KAZN: variants seen among roughly 807,000 people sequenced by gnomAD.
KAZN encodes the protein kazrin.
A neutral mutation model predicts 87.4 loss-of-function variants in KAZN; 40 were observed. The observed-to-expected ratio is 0.46, with a 90% CI of 0.36 to 0.60. KAZN has a LOEUF of 0.60. Ranked by LOEUF, KAZN falls within the 20% of genes least tolerant of loss-of-function variation. The pLI, the probability that KAZN is intolerant of heterozygous loss-of-function variation, is 0.00. For synonymous variants in KAZN, 466 were observed against 458.3 expected (o/e 1.02, Z -0.22); for missense variants, 898 against 1,073.9 (o/e 0.84, Z 2.29).
intron 2 of KAZN, among the ~76,000 whole-genome samples, chr1:14,291,765 A>G (rs1653711522): frequency 6.6e-6 from 1 of 152,230 alleles, no homozygotes. Context: ...TGTCTTCTGC[A>G]TAAATCACAC....
At chr1:13,950,837 C>G (rs1641318279) in intron 1 of KAZN, among the ~76,000 whole-genome samples, 1 of 152,182 alleles carries the variant, frequency 6.6e-6, no homozygotes. Context: ...TTCCCACTGG[C>G]TGCCTCTTGG....
rs545769212 is a variant in KAZN at position 14,036,110 on chromosome 1, A to C, written c.91+142354A>C. On this transcript the variant is annotated intron_variant, in intron 1 of 16. Transcript: ENST00000636203. ...GGCAGGAGCATCCCTGGCAGGGGGAACAGCACATGCAAAAGAGAGGAGGCA... is the reference window on the plus strand; with the variant it reads ...GGCAGGAGCATCCCTGGCAGGGGGACCAGCACATGCAAAAGAGAGGAGGCA... Among the ~76,000 whole-genome samples, 51 of 152,324 alleles carry C rather than the reference A, an allele frequency of 3.3e-4. No individual in the cohort carries two copies. In the South Asian group the frequency reaches 0.01, roughly 31 times the overall value.
rs529118083 is a variant in KAZN, at chr1:14,110,616, A to C, written c.92-69819A>C. Among the ~76,000 whole-genome samples, 3 of 137,000 alleles carry C rather than the reference A, an allele frequency of 2.2e-5. 1 individual carries two copies. The highest frequency in any genetic ancestry group is 8.4e-5 in the African/African-American group (3 of 35,722). The allele number at this position is 137,000 out of a possible 152,430, so 89.9% of individuals were successfully genotyped here. ...GACTTGGAATGATACATTATTTTTC[A>C]GATCTCAAGAAACTTTTCTCCTTTG... is the stretch of plus-strand genomic sequence containing the variant. On this transcript the variant is annotated intron_variant, in intron 1 of 16. Coordinates refer to the KAZN transcript ENST00000636203.
chr1:14,364,633 A>G (rs151338422), intron 2 of KAZN, among the ~76,000 whole-genome samples: 1 of 152,320 alleles, frequency 6.6e-6, no homozygotes, highest in African/African-American at 2.4e-5. Flanking sequence ...ATATATATTT[A>G]TTTCCTGGGG....
intron 1 of KAZN, among the ~76,000 whole-genome samples, chr1:14,930,291 C>A (rs1158695347): frequency 6.6e-6 from 1 of 152,202 alleles, no homozygotes; most frequent in Non-Finnish European, 1.5e-5. Flanking sequence ...TGGGCTGTAA[C>A]TTTATCACAG....
At chr1:14,447,171 T>C (rs1489669679) in intron 2 of KAZN, among the ~76,000 whole-genome samples, 1 of 150,900 alleles carries the variant, frequency 6.6e-6, no homozygotes, top group Non-Finnish European at 1.5e-5. Context: ...AACCCATAAT[T>C]CTTCTAGTTC....
In KAZN at chr1:14,883,355, A is replaced by AG. The variant is rs1553150619; in HGVS notation, c.227-77329_227-77328insG. ...GAGAGAGAGAGAGAAAGAAAGAAAG[A>AG]AAAGAAAGAAAGAAAGAAAGAAAGA... On this transcript the variant is annotated intron_variant, in intron 1 of 14. Coordinates refer to ENST00000376030, the MANE Select transcript of KAZN (RefSeq NM_201628.3). Among the ~76,000 whole-genome samples, 50 of 20,612 alleles carry AG rather than the reference A, an allele frequency of 2.4e-3. 5 individuals are homozygous for AG. The highest frequency in any genetic ancestry group is 3.3e-3 in the Admixed American group (5 of 1,498). 13.5% of individuals were successfully genotyped at this position (20,612 alleles called of 152,430 possible). A position where few individuals can be genotyped will look rare whatever the true frequency, so the allele number is the denominator to read the frequency against.
chr1:14,545,679 A>G (rs1363984007), intron 2 of KAZN, among the ~76,000 whole-genome samples: 4 of 152,134 alleles, frequency 2.6e-5, no homozygotes, highest in Non-Finnish European at 5.9e-5. Context: ...AAAAAAACAA[A>G]GTTGTATTGT....
At chr1:14,289,277 G>A (rs1003564979) in intron 2 of KAZN, among the ~76,000 whole-genome samples, 1 of 152,156 alleles carries the variant, frequency 6.6e-6, no homozygotes, top group Non-Finnish European at 1.5e-5. Context: ...TATTGACAAT[G>A]GGGTGTTAAA....
intron 8 of KAZN, among the ~76,000 whole-genome samples, chr1:15,082,587 A>G (rs1055796601): frequency 4.6e-5 from 7 of 152,246 alleles, no homozygotes; most frequent in African/African-American, 1.7e-4. Context: ...GGTCAGGGAC[A>G]TGCGGGACCA....
intron 8 of KAZN, among the ~76,000 whole-genome samples, chr1:15,089,693 G>A (rs981457846): frequency 1.1e-4 from 16 of 145,516 alleles, no homozygotes; most frequent in Non-Finnish European, 1.5e-5. Flanking sequence ...AGCCATAGGT[G>A]CGTCTGGAGA....
intron 2 of KAZN, among the ~76,000 whole-genome samples, chr1:14,536,934 T>C (rs771156289): frequency 2.0e-5 from 3 of 152,086 alleles, no homozygotes; most frequent in Admixed American, 6.6e-5. Context: ...CCCTCTTTGG[T>C]TCTCTCTTCC....
At chr1:13,971,784 C>G (rs770807146) in intron 1 of KAZN, among the ~76,000 whole-genome samples, 1 of 152,106 alleles carries the variant, frequency 6.6e-6, no homozygotes, top group African/African-American at 2.4e-5. Flanking sequence ...AGCACCATCC[C>G]CCTTGGTACT....
intron 2 of KAZN, among the ~76,000 whole-genome samples, chr1:14,236,425 A>G (rs1648425769): frequency 6.6e-6 from 1 of 152,172 alleles, no homozygotes; most frequent in Admixed American, 6.5e-5. Flanking sequence ...AACTCAGGGT[A>G]GGAAAATCCA....
chr1:14,004,149 G>A (rs1302894833), intron 1 of KAZN, among the ~76,000 whole-genome samples: 7 of 150,988 alleles, frequency 4.6e-5, no homozygotes, highest in South Asian at 2.1e-4. Flanking sequence ...TCAGGGAACC[G>A]TGAATTAAAA....
At chr1:14,767,896 A>T (rs1362307016) in intron 1 of KAZN, among the ~76,000 whole-genome samples, 1 of 152,214 alleles carries the variant, frequency 6.6e-6, no homozygotes, top group Non-Finnish European at 1.5e-5. Context: ...AGGGGAAAAT[A>T]AGTGTCATTT....
chr1:14,986,340 T>C (rs1421415415), intron 2 of KAZN, among the ~76,000 whole-genome samples: 1 of 152,142 alleles, frequency 6.6e-6, no homozygotes, highest in East Asian at 1.9e-4. Flanking sequence ...CAGCCTCGCT[T>C]TTGCAAAACG....
At chr1:14,972,299 G>A (rs1386668093) in intron 2 of KAZN, among the ~76,000 whole-genome samples, 2 of 152,220 alleles carry the variant, frequency 1.3e-5, no homozygotes, top group Non-Finnish European at 2.9e-5. Context: ...CATCCCAGGA[G>A]AAGACCTTTG....
chr1:14,194,835 T>C (rs1346555119), intron 2 of KAZN, among the ~76,000 whole-genome samples: 2 of 152,076 alleles, frequency 1.3e-5, no homozygotes, highest in Admixed American at 6.5e-5. Flanking sequence ...TGGAGTAGTT[T>C]GTATAATTTG....
Sources: allele counts gnomAD v4.1 joint callset (sites outside exome capture counted in the v4.1 genomes callset), GRCh38; gene constraint gnomAD v4.1.1; transcripts MANE v1.5; gene names NCBI Gene and HGNC (gene_info 2026-07-23, HGNC 2026-07-21).